Variants in PPP1R1C observed in about 807,000 individuals in gnomAD.
PPP1R1C encodes the protein protein phosphatase 1 regulatory subunit 1C.
In PPP1R1C, 15 loss-of-function variants were observed where a neutral mutation model predicts 17.4. That is an observed-to-expected ratio of 0.86 (90% CI 0.58 to 1.33). PPP1R1C has a LOEUF of 1.33. PPP1R1C is among the 40% of genes most tolerant of loss of function. The pLI is 0.00. For missense variants in PPP1R1C, 143 were observed against 130.0 expected (o/e 1.10, Z -0.48); for synonymous variants, 35 against 43.1 (o/e 0.81, Z 0.73).
intron 4 of PPP1R1C, among the ~76,000 whole-genome samples, chr2:182,076,078 T>A (rs1018016950): frequency 1.3e-5 from 2 of 151,758 alleles, no homozygotes; most frequent in Non-Finnish European, 2.9e-5. Flanking sequence ...TTATGTTGAT[T>A]TTTGCCTTGA....
intron 2 of PPP1R1C, among the ~76,000 whole-genome samples, chr2:182,035,075 T>G (rs547582827): frequency 7.9e-5 from 12 of 152,334 alleles, no homozygotes; most frequent in Non-Finnish European, 1.8e-4. Context: ...AAATGCTTTG[T>G]GAGGGAATGG....
chr2:182,064,068 G>T (rs950035855), intron 4 of PPP1R1C: 2 of 394,950 alleles, frequency 5.1e-6, no homozygotes, highest in Non-Finnish European at 9.1e-6. Context: ...ACCGTTATTC[G>T]CATACTTCCT....
chr2:182,008,916 C>T (rs938314657), intron 2 of PPP1R1C, among the ~76,000 whole-genome samples: 3 of 152,148 alleles, frequency 2.0e-5, no homozygotes, highest in Non-Finnish European at 4.4e-5. Context: ...TTCCACTTAA[C>T]ATAATGATGT....
At chr2:182,016,604 C>T (rs1473327538) in intron 2 of PPP1R1C, among the ~76,000 whole-genome samples, 1 of 151,984 alleles carries the variant, frequency 6.6e-6, no homozygotes, top group Non-Finnish European at 1.5e-5. Flanking sequence ...TTTCTTTTTC[C>T]TTCCATTTTA....
At chr2:182,122,100 G>T (rs114718461), downstream of PPP1R1C, among the ~76,000 whole-genome samples, 1 of 152,032 alleles carries the variant, frequency 6.6e-6, no homozygotes, top group African/African-American at 2.4e-5. Flanking sequence ...CCTCTTATAC[G>T]TGAGGAACAG....
chr2:182,042,137 GGTT>G (rs1687204362), intron 2 of PPP1R1C, among the ~76,000 whole-genome samples: 1 of 151,896 alleles, frequency 6.6e-6, no homozygotes, highest in Non-Finnish European at 1.5e-5. Context: ...CACTGAAGAA[GGTT>G]TTCTGGAATA....
At chr2:182,009,840 T>C (rs1183614984) in intron 2 of PPP1R1C, among the ~76,000 whole-genome samples, 1 of 152,146 alleles carries the variant, frequency 6.6e-6, no homozygotes, top group Non-Finnish European at 1.5e-5. Flanking sequence ...CTTCTGCATA[T>C]GGATATCCAG....
chr2:181,997,826 T>G, intron 2 of PPP1R1C, among the ~76,000 whole-genome samples: 1 of 152,226 alleles, frequency 6.6e-6, no homozygotes, highest in East Asian at 1.9e-4. Flanking sequence ...AAGACAACTT[T>G]TCAACTATTG....
At chr2:182,080,676 G>T (rs1288939319) in intron 4 of PPP1R1C, among the ~76,000 whole-genome samples, 5 of 152,018 alleles carry the variant, frequency 3.3e-5, no homozygotes, top group Middle Eastern at 3.2e-3. Context: ...TTATTTAGTG[G>T]CCCTGCATAC....
chr2:182,069,861 T>C (rs979597452), intron 4 of PPP1R1C, among the ~76,000 whole-genome samples: 3 of 152,228 alleles, frequency 2.0e-5, no homozygotes, highest in African/African-American at 7.2e-5. Context: ...AGAATCAGTT[T>C]CTTTAAATAT....
intron 1 of PPP1R1C, among the ~76,000 whole-genome samples, chr2:181,963,753 T>C (rs1419839899): frequency 6.6e-6 from 1 of 151,324 alleles, no homozygotes; most frequent in Non-Finnish European, 1.5e-5. Flanking sequence ...ATTGAAGTTG[T>C]GAAAGACAAA....
At chr2:182,058,553 C>A (rs927986524) in intron 2 of PPP1R1C, among the ~76,000 whole-genome samples, 2 of 152,160 alleles carry the variant, frequency 1.3e-5, no homozygotes, top group Middle Eastern at 3.4e-3. Flanking sequence ...ATTGTGCTCT[C>A]ATTTTTTCAT....
At chr2:182,066,968 T>TTGTG (rs3064017) in intron 4 of PPP1R1C, among the ~76,000 whole-genome samples, 85 of 144,818 alleles carry the variant, frequency 5.9e-4, no homozygotes, top group African/African-American at 2.1e-3. Context: ...GTGTGTGTGT[T>TTGTG]TGTGTGTGTG....
chr2:181,983,528 A>T (rs1685233374), upstream of PPP1R1C, among the ~76,000 whole-genome samples: 1 of 152,214 alleles, frequency 6.6e-6, no homozygotes, highest in Admixed American at 6.5e-5. Flanking sequence ...CAAACTCTAT[A>T]TTAACATTTT....
intron 5 of PPP1R1C, among the ~76,000 whole-genome samples, chr2:182,124,327 G>GTTTTTTTTTTTTTT (rs1294464668): frequency 3.9e-4 from 32 of 82,998 alleles, no homozygotes; most frequent in Non-Finnish European, 3.9e-4. Context: ...TTTTTTTTTT[G>GTTTTTTTTTTTTTT]TTTTTTTTTT....
intron 1 of PPP1R1C, among the ~76,000 whole-genome samples, chr2:181,965,628 G>A (rs1312462171): frequency 3.3e-5 from 5 of 152,034 alleles, no homozygotes; most frequent in East Asian, 3.9e-4. Context: ...ATTTGTTTCC[G>A]GGTTCTCAGT....
chr2:182,005,555 G>A (rs978802251), intron 2 of PPP1R1C, among the ~76,000 whole-genome samples: 1 of 152,118 alleles, frequency 6.6e-6, no homozygotes, highest in African/African-American at 2.4e-5. Context: ...TATGGTTTTG[G>A]AATTTTGAAG....
chr2:182,128,749 GT>G (rs1689936927), intron 5 of PPP1R1C, among the ~76,000 whole-genome samples: 1 of 151,966 alleles, frequency 6.6e-6, no homozygotes, highest in Non-Finnish European at 1.5e-5. Context: ...GTGACGATCA[GT>G]TTTTTTGCTT....
upstream of PPP1R1C, among the ~76,000 whole-genome samples, chr2:181,982,878 T>G (rs1201314561): frequency 2.0e-5 from 3 of 152,326 alleles, no homozygotes; most frequent in African/African-American, 7.2e-5. Context: ...GAAGAGAGAC[T>G]ATAGTTGTTG....
Sources: allele counts gnomAD v4.1 joint callset (sites outside exome capture counted in the v4.1 genomes callset), GRCh38; gene constraint gnomAD v4.1.1; transcripts MANE v1.5; gene names NCBI Gene and HGNC (gene_info 2026-07-23, HGNC 2026-07-21).